The following MAP3K20 variants were observed in gnomAD, a reference collection of about 807,000 sequenced individuals.
MAP3K20 encodes the protein HCCS-4.
A neutral mutation model predicts 85.7 loss-of-function variants in MAP3K20; 40 were observed. The observed-to-expected ratio is 0.47, with a 90% confidence interval of 0.36 to 0.61. The LOEUF (loss-of-function observed/expected upper bound fraction) is 0.61. Among genes scored for constraint, MAP3K20 ranks in the 20% least tolerant of loss-of-function variants. MAP3K20 has a pLI of 0.00. For missense variants in MAP3K20, 817 were observed against 961.7 expected (o/e 0.85, Z 1.99); for synonymous variants, 325 against 327.7 (o/e 0.99, Z 0.09).
chr2:173,105,915 GT>G (rs1687772335), intron 2 of MAP3K20, among the ~76,000 whole-genome samples: 1 of 152,130 alleles, frequency 6.6e-6, no homozygotes, highest in Non-Finnish European at 1.5e-5. Flanking sequence ...TAAGTTTTAT[GT>G]TATGTACTAT....
intron 7 of MAP3K20, among the ~76,000 whole-genome samples, chr2:173,194,048 A>G (rs1690745209): frequency 6.6e-6 from 1 of 152,210 alleles, no homozygotes; most frequent in African/African-American, 2.4e-5. Context: ...CATTCATGCT[A>G]GAGCCTTCCC....
chr2:173,237,130 G>A (rs945315176), intron 14 of MAP3K20, among the ~76,000 whole-genome samples: 2 of 146,248 alleles, frequency 1.4e-5, no homozygotes, highest in East Asian at 2.2e-4. Flanking sequence ...GGATTCAAGC[G>A]ATTCTCCTGC....
Position 173,199,673 on chromosome 2 carries a change from T to C in MAP3K20, c.669+1561T>C, listed in dbSNP as rs1488562183. On this transcript the variant is annotated intron_variant, in intron 8 of 19. Coordinates refer to ENST00000375213, the MANE Select transcript of MAP3K20 (RefSeq NM_016653.3). ...CTAGGAGAAAGGTTGTTTTTTTTTT[T>C]TTTTCATTTTGTTTTGTTTTTGTTT... is the stretch of plus-strand genomic sequence containing the variant. Among the ~76,000 whole-genome samples, 4 of 148,036 alleles carry C rather than the reference T, an allele frequency of 2.7e-5. No individual in the cohort carries two copies. In the South Asian group the frequency reaches 8.4e-4, roughly 31 times the overall value.
chr2:173,131,219 A>C (rs889227941), intron 2 of MAP3K20, among the ~76,000 whole-genome samples: 8 of 152,184 alleles, frequency 5.3e-5, no homozygotes, highest in Admixed American at 3.3e-4. Context: ...GTCTCCAGGG[A>C]ATTAGAGACT....
At chr2:173,115,537 G>A (rs1353529499) in intron 2 of MAP3K20, among the ~76,000 whole-genome samples, 1 of 152,104 alleles carries the variant, frequency 6.6e-6, no homozygotes, top group Admixed American at 6.5e-5. Context: ...TCTCATTTGG[G>A]TAGGCTCTGT....
intron 7 of MAP3K20, among the ~76,000 whole-genome samples, chr2:173,195,191 A>T (rs865781349): frequency 0.056 from 7,722 of 137,536 alleles, 499 homozygotes; most frequent in East Asian, 0.46. Flanking sequence ...CTCTCTTTAA[A>T]AAAAAAAAAA....
At chr2:173,147,250 A>T (rs2106222138) in intron 2 of MAP3K20, among the ~76,000 whole-genome samples, 1 of 152,236 alleles carries the variant, frequency 6.6e-6, no homozygotes, top group East Asian at 1.9e-4. Context: ...TTTTGTTGTC[A>T]TATCTAAGAG....
At chr2:173,235,054 T>C (rs1421994461) in intron 14 of MAP3K20, among the ~76,000 whole-genome samples, 2 of 152,116 alleles carry the variant, frequency 1.3e-5, no homozygotes, top group African/African-American at 4.8e-5. Flanking sequence ...CAATGAAGTA[T>C]TGATTGTTGT....
At chr2:173,123,904 T>C (rs1688368634) in intron 2 of MAP3K20, among the ~76,000 whole-genome samples, 3 of 152,222 alleles carry the variant, frequency 2.0e-5, no homozygotes, top group Admixed American at 1.3e-4. Flanking sequence ...CTCAACTTAT[T>C]TTCTTTTGGT....
intron 16 of MAP3K20, among the ~76,000 whole-genome samples, chr2:173,251,854 T>A (rs1685047872): frequency 6.6e-6 from 1 of 152,264 alleles, no homozygotes; most frequent in Non-Finnish European, 1.5e-5. Flanking sequence ...AAAGGTGATC[T>A]ATAAAAGCCT....
At chr2:173,177,305 C>T (rs1019017395) in intron 3 of MAP3K20, among the ~76,000 whole-genome samples, 6 of 152,062 alleles carry the variant, frequency 3.9e-5, no homozygotes, top group African/African-American at 1.4e-4. Flanking sequence ...AGGACTGATA[C>T]CATACAATGT....
Position 173,134,947 on chromosome 2 carries a change from T to C in MAP3K20, c.160-34858T>C, listed in dbSNP as rs35723613. Reference sequence around the variant, plus strand: ...CTCAGCCACGTGACTAGCTTAGTCCTCAGGCAAGTTCTTTAACATATTTGT... The same window carrying C: ...CTCAGCCACGTGACTAGCTTAGTCCCCAGGCAAGTTCTTTAACATATTTGT... On this transcript the variant is annotated intron_variant, in intron 2 of 19. Coordinates refer to ENST00000375213, the MANE Select transcript of MAP3K20 (RefSeq NM_016653.3). Among the ~76,000 whole-genome samples, 1,029 of 152,300 alleles carry C rather than the reference T, an allele frequency of 6.8e-3. 9 individuals are homozygous for C. The highest frequency in any genetic ancestry group is 0.011 in the Non-Finnish European group (781 of 68,020).
chr2:173,099,566 T>C (rs559927535), intron 2 of MAP3K20, among the ~76,000 whole-genome samples: 1 of 152,280 alleles, frequency 6.6e-6, no homozygotes, highest in South Asian at 2.1e-4. Flanking sequence ...TTTTTTAATT[T>C]TTGTAACCTT....
At chr2:173,246,657 C>T (rs1045903524) in intron 16 of MAP3K20, among the ~76,000 whole-genome samples, 1 of 152,130 alleles carries the variant, frequency 6.6e-6, no homozygotes, top group African/African-American at 2.4e-5. Context: ...TTTGGGGAGT[C>T]GTCCATTCCT....
intron 9 of MAP3K20, among the ~76,000 whole-genome samples, chr2:173,209,042 C>G (rs757119770): frequency 2.8e-4 from 42 of 152,136 alleles, no homozygotes; most frequent in Non-Finnish European, 5.0e-4. Context: ...ATATTGAGAA[C>G]AGTGAAGTTA....
chr2:173,134,263 T>G (rs1426922585), intron 2 of MAP3K20, among the ~76,000 whole-genome samples: 3 of 144,916 alleles, frequency 2.1e-5, no homozygotes, highest in Admixed American at 6.9e-5. Context: ...TGATTTTGGC[T>G]TACTGGCTTA....
intron 2 of MAP3K20, among the ~76,000 whole-genome samples, chr2:173,093,818 G>GTCCT (rs1687374505): frequency 2.0e-5 from 3 of 152,066 alleles, no homozygotes; most frequent in African/African-American, 7.2e-5. Flanking sequence ...CCATAAAAAT[G>GTCCT]ATGAGTTCAT....
At chr2:173,183,152 T>C (rs1245904417) in intron 4 of MAP3K20, among the ~76,000 whole-genome samples, 197 bp downstream of exon 4, 1 of 152,178 alleles carries the variant, frequency 6.6e-6, no homozygotes, top group Non-Finnish European at 1.5e-5. Context: ...TCCTTTTATC[T>C]TCCTCTTAAG....
intron 2 of MAP3K20, among the ~76,000 whole-genome samples, chr2:173,168,142 T>C (rs1024960520): frequency 1.1e-4 from 17 of 151,500 alleles, no homozygotes; most frequent in Non-Finnish European, 1.8e-4. Context: ...TATTTATTAT[T>C]ATAGTAAGAA....
Sources: gnomAD v4.1 joint callset for allele counts (sites outside exome capture counted in the v4.1 genomes callset) on GRCh38, gnomAD v4.1.1 for gene constraint, MANE v1.5 for transcripts, NCBI Gene and HGNC (gene_info 2026-07-23, HGNC 2026-07-21) for gene names.